The following CDK14 variants were observed in gnomAD, a reference collection of about 807,000 sequenced individuals.
CDK14 encodes the protein cyclin dependent kinase 14.
A neutral mutation model predicts 60.7 loss-of-function variants in CDK14; 34 were observed. The ratio of observed to expected loss-of-function variants is 0.56; its 90% confidence interval spans 0.43 to 0.75. CDK14 has a LOEUF of 0.75. Ranked by LOEUF, CDK14 falls within the 30% of genes least tolerant of loss-of-function variation. CDK14 has a pLI of 0.00. For missense variants in CDK14, 482 were observed against 564.1 expected (o/e 0.85, Z 1.47); for synonymous variants, 197 against 203.7 (o/e 0.97, Z 0.28).
At chr7:91,100,235 A>T (rs1028012671) in intron 12 of CDK14, among the ~76,000 whole-genome samples, 2 of 152,172 alleles carry the variant, frequency 1.3e-5, no homozygotes, top group Non-Finnish European at 2.9e-5. Context: ...CTATTTATGC[A>T]TGTAGAATTA....
intron 14 of CDK14, among the ~76,000 whole-genome samples, chr7:91,163,647 A>G (rs1801240605): frequency 6.6e-6 from 1 of 152,186 alleles, no homozygotes; most frequent in South Asian, 2.1e-4. Context: ...TTTGAAATAC[A>G]TAATACAGTA....
At chr7:90,845,687 C>T (rs1474059792) in intron 5 of CDK14, among the ~76,000 whole-genome samples, 3 of 152,076 alleles carry the variant, frequency 2.0e-5, no homozygotes, top group Non-Finnish European at 2.9e-5. Flanking sequence ...ATTCGTATCA[C>T]AGGTAATAGG....
chr7:90,824,989 A>C (rs1276244366), intron 5 of CDK14, among the ~76,000 whole-genome samples: 1 of 152,186 alleles, frequency 6.6e-6, no homozygotes, highest in Non-Finnish European at 1.5e-5. Flanking sequence ...TTTGGCTCAG[A>C]CAAGCAATTA....
At chr7:90,666,795 T>A (rs1800988403) in intron 2 of CDK14, among the ~76,000 whole-genome samples, 1 of 152,204 alleles carries the variant, frequency 6.6e-6, no homozygotes, top group South Asian at 2.1e-4. Context: ...TTTACTTCAT[T>A]TTCAGTGGAG....
At chr7:91,023,922 G>A (rs944642457) in intron 10 of CDK14, among the ~76,000 whole-genome samples, 2 of 151,936 alleles carry the variant, frequency 1.3e-5, no homozygotes, top group African/African-American at 2.4e-5. Flanking sequence ...ATAGGTGCAC[G>A]CCAACATGTC....
chr7:90,687,849 C>G (rs1032603106), intron 2 of CDK14, among the ~76,000 whole-genome samples: 1 of 152,072 alleles, frequency 6.6e-6, no homozygotes, highest in Non-Finnish European at 1.5e-5. Context: ...CTGAGGTACC[C>G]TGATAAATAA....
At chr7:90,903,217 T>G (rs1792575489) in intron 7 of CDK14, among the ~76,000 whole-genome samples, 1 of 152,148 alleles carries the variant, frequency 6.6e-6, no homozygotes, top group East Asian at 1.9e-4. Context: ...GATCCAACAG[T>G]CCTACTAATG....
Position 90,694,354 on chromosome 7 carries a change from A to T in CDK14, c.124-32213A>T, listed in dbSNP as rs1249438308. On this transcript the variant is annotated intron_variant, in intron 2 of 14. Transcript: ENST00000380050. ...AGTTAAAACATACCCATTTAACTTGAATTGAATGTCGTTTGATTACAAATT... is the reference window on the plus strand; with the variant it reads ...AGTTAAAACATACCCATTTAACTTGTATTGAATGTCGTTTGATTACAAATT... 2.0e-5 allele frequency among the ~76,000 whole-genome samples: 3 copies of T among 152,220 alleles called. No individual in the cohort carries two copies. In the East Asian group the frequency reaches 5.8e-4, roughly 29 times the overall value.
rs1159024601 is a variant in CDK14, at chr7:90,790,773, A to G, written c.544+121A>G. 1.0e-5 allele frequency: 6 copies of G among 576,036 alleles called. No homozygotes were observed. The South Asian group carries it at 1.5e-4, about 15-fold the overall frequency. 35.7% of individuals were successfully genotyped at this position (576,036 alleles called of 1,614,324 possible). A position where few individuals can be genotyped will look rare whatever the true frequency, so the allele number is the denominator to read the frequency against. On this transcript the variant is annotated intron_variant, in intron 5 of 14. Transcript: ENST00000380050. ...TTACAGGATTGTATCTTTCATTAAA[A>G]TGTGTAAACTGAAATTTAAAAATCA... is the stretch of plus-strand genomic sequence containing the variant.
intron 5 of CDK14, among the ~76,000 whole-genome samples, chr7:90,810,613 C>T (rs1209962325): frequency 6.6e-6 from 1 of 150,850 alleles, no homozygotes; most frequent in African/African-American, 2.4e-5. Flanking sequence ...TGTTGGAAGC[C>T]AGGGCAATTA....
At chr7:90,732,018 A>G (rs1008229705) in intron 3 of CDK14, among the ~76,000 whole-genome samples, 12 of 152,166 alleles carry the variant, frequency 7.9e-5, no homozygotes, top group South Asian at 2.1e-4. Context: ...CATCCCATCA[A>G]TACCTAGTTT....
intron 8 of CDK14, among the ~76,000 whole-genome samples, chr7:90,918,062 A>C (rs1278736133): frequency 6.6e-6 from 1 of 152,126 alleles, no homozygotes; most frequent in Non-Finnish European, 1.5e-5. Flanking sequence ...TTATTATGAA[A>C]ATGTCAAATA....
chr7:90,604,118 T>G, intron 1 of CDK14, 100 bp from the exon 2 acceptor site: 1 of 737,166 alleles, frequency 1.4e-6, no homozygotes, highest in Non-Finnish European at 2.2e-6. Context: ...CTTTCTGAAA[T>G]GAAAACACCA....
chr7:91,106,382 C>T (rs1799296047), intron 12 of CDK14, among the ~76,000 whole-genome samples: 1 of 152,092 alleles, frequency 6.6e-6, no homozygotes, highest in African/African-American at 2.4e-5. Flanking sequence ...ACAGAATTTA[C>T]CATCAAATGA....
chr7:90,892,112 G>C (rs1387105174), intron 6 of CDK14, among the ~76,000 whole-genome samples: 1 of 152,214 alleles, frequency 6.6e-6, no homozygotes, highest in East Asian at 1.9e-4. Context: ...CTGAGTTTCA[G>C]ATAGCTTTCT....
At chr7:90,880,715 C>T (rs1791719749) in intron 6 of CDK14, among the ~76,000 whole-genome samples, 1 of 152,190 alleles carries the variant, frequency 6.6e-6, no homozygotes, top group Middle Eastern at 3.4e-3. Flanking sequence ...ACAGAGGTCC[C>T]AGCAGAAGAA....
chr7:91,072,450 A>G (rs1798178221), intron 11 of CDK14, among the ~76,000 whole-genome samples: 2 of 152,206 alleles, frequency 1.3e-5, no homozygotes, highest in Admixed American at 1.3e-4. Context: ...CATTGAAAGA[A>G]AAAACAAACA....
intron 2 of CDK14, among the ~76,000 whole-genome samples, chr7:90,658,420 T>C (rs996910835): frequency 2.6e-5 from 4 of 152,166 alleles, no homozygotes; most frequent in East Asian, 1.9e-4. Flanking sequence ...AGGGCACTTA[T>C]CTCATTCATA....
intron 2 of CDK14, among the ~76,000 whole-genome samples, chr7:90,645,247 T>G (rs546947261): frequency 1.3e-5 from 2 of 152,264 alleles, no homozygotes; most frequent in East Asian, 3.9e-4. Flanking sequence ...ACATCCTCAG[T>G]TTTTTTCAGG....
Sources: allele counts gnomAD v4.1 joint callset (sites outside exome capture counted in the v4.1 genomes callset), GRCh38; gene constraint gnomAD v4.1.1; transcripts MANE v1.5; gene names NCBI Gene and HGNC (gene_info 2026-07-23, HGNC 2026-07-21).